The following COL14A1 variants were observed in gnomAD, a reference collection of about 807,000 sequenced individuals.
The protein encoded by COL14A1 is collagen type XIV alpha 1 chain, also known as collagen alpha-1(XIV) chain.
In COL14A1, 136 loss-of-function variants were observed where a neutral mutation model predicts 230.3. That is an observed-to-expected ratio of 0.59 (90% CI 0.51 to 0.68). COL14A1 has a LOEUF of 0.68. Among genes scored for constraint, COL14A1 ranks in the 30% least tolerant of loss-of-function variants. The pLI is 0.00. For missense variants in COL14A1, 1,976 were observed against 2,215.8 expected, an observed-to-expected ratio of 0.89 and a Z score of 2.17; for synonymous variants, 792 against 784.1, an observed-to-expected ratio of 1.01 and a Z score of -0.17.
chr8:120,282,926 C>T (rs1820080920), intron 31 of COL14A1, among the ~76,000 whole-genome samples: 1 of 152,052 alleles, frequency 6.6e-6, no homozygotes, highest in Admixed American at 6.6e-5. Context: ...CTCCACCCAC[C>T]CAGAAGAGTT....
At chr8:120,289,245 G>A (rs867241328) in intron 33 of COL14A1, among the ~76,000 whole-genome samples, 1 of 152,102 alleles carries the variant, frequency 6.6e-6, no homozygotes, top group African/African-American at 2.4e-5. Flanking sequence ...CATCAACAAA[G>A]ATTTTTAATT....
chr8:120,175,382 C>CT (rs942146081), intron 5 of COL14A1, among the ~76,000 whole-genome samples: 9 of 152,040 alleles, frequency 5.9e-5, no homozygotes, highest in African/African-American at 1.2e-4. Flanking sequence ...CAGCATAGGG[C>CT]TTTTTTTTCC....
intron 5 of COL14A1, among the ~76,000 whole-genome samples, chr8:120,193,808 G>T (rs1263236661): frequency 6.6e-6 from 1 of 152,194 alleles, no homozygotes; most frequent in East Asian, 1.9e-4. Flanking sequence ...TCAGACTGCT[G>T]TGCTAGCAAT....
intron 5 of COL14A1, among the ~76,000 whole-genome samples, chr8:120,180,844 A>C (rs561167818): frequency 2.0e-5 from 3 of 151,176 alleles, no homozygotes; most frequent in Admixed American, 6.6e-5. Context: ...AGTAGCTGGG[A>C]CTACAGGTGG....
intron 40 of COL14A1, among the ~76,000 whole-genome samples, chr8:120,330,357 A>G (rs1821821781): frequency 6.6e-6 from 1 of 152,168 alleles, no homozygotes; most frequent in Non-Finnish European, 1.5e-5. Flanking sequence ...ATAAAGACAT[A>G]CCCGAGACTG....
chr8:120,317,096 A>G (rs751578975), intron 40 of COL14A1, among the ~76,000 whole-genome samples: 8 of 152,184 alleles, frequency 5.3e-5, no homozygotes, highest in Admixed American at 3.3e-4. Flanking sequence ...GAGCAGCTCC[A>G]CAGTTTCTCT....
chr8:120,230,069 A>T (rs1406680720), intron 18 of COL14A1, among the ~76,000 whole-genome samples: 1 of 151,980 alleles, frequency 6.6e-6, no homozygotes, highest in African/African-American at 2.4e-5. Context: ...TTTAGTAGAG[A>T]TGAGGTCTTT....
Position 120,196,941 on chromosome 8 carries a change from G to T in COL14A1, c.587G>T (p.Arg196Leu). 3 of 1,613,612 alleles carry T rather than the reference G, an allele frequency of 1.9e-6. No homozygotes were observed. The highest frequency in any genetic ancestry group is 2.5e-6 in the Non-Finnish European group (3 of 1,179,812). The part of the protein sequence containing the change: ...TAFDVGSEKT[R>L]IGLAQYSGDP... ...TTCGATGTGGGCTCAGAGAAGACAC[G>T]AATTGGTATAATTTCTATTATTAGC... The change falls in exon 6 of 48, where the codon CGA becomes CTA. Residue 196 changes from arginine to leucine, a missense_variant. Around this residue, in one of 3 missense-constraint regions of COL14A1, gnomAD observed 1,791 missense variants for 2,019.5 expected, o/e 0.89. Coordinates refer to ENST00000297848, the MANE Select transcript of COL14A1 (RefSeq NM_021110.4).
rs376611725 is a variant in COL14A1, at chr8:120,270,160, A to G, written c.3199A>G (p.Thr1067Ala). 8.1e-6 allele frequency: 13 copies of G among 1,610,574 alleles called. No individual in the cohort carries two copies. The East Asian group carries it at 1.6e-4, about 19-fold the overall frequency. ...TGTTGGAGCCCTGAACAAGATTGGCACAGATGGAACCCAAGTAAGGCTAAT... is the reference window on the plus strand; with the variant it reads ...TGTTGGAGCCCTGAACAAGATTGGCGCAGATGGAACCCAAGTAAGGCTAAT... ...STVGALNKIGTDGTQVAMVQF... is the reference protein window; with the variant it reads ...STVGALNKIGADGTQVAMVQF... The change falls in exon 26 of 48, where the codon ACA (threonine) becomes GCA (alanine). Residue 1067 changes from threonine (T) to alanine (A), a missense_variant. Physicochemically the swap from Thr to Ala is moderately conservative, Grantham distance 58. This residue lies in a region of COL14A1 where 1,791 missense variants were observed against 2,019.5 expected (regional missense o/e 0.89). Coordinates refer to ENST00000297848, the MANE Select transcript of COL14A1 (RefSeq NM_021110.4).
At chr8:120,233,314 T>C (rs1010674804) in intron 19 of COL14A1, among the ~76,000 whole-genome samples, 1 of 152,210 alleles carries the variant, frequency 6.6e-6, no homozygotes, top group African/African-American at 2.4e-5. Context: ...GCCATTGCTT[T>C]TGGTGTTTTA....
At chr8:120,312,372 G>T (rs934128775) in intron 37 of COL14A1, among the ~76,000 whole-genome samples, 1 of 152,130 alleles carries the variant, frequency 6.6e-6, no homozygotes, top group East Asian at 1.9e-4. Context: ...TCTCATAAAA[G>T]TTCCTAATTA....
intron 2 of COL14A1, among the ~76,000 whole-genome samples, chr8:120,153,032 T>G (rs973792957): frequency 4.6e-5 from 7 of 151,936 alleles, no homozygotes; most frequent in Non-Finnish European, 7.4e-5. Flanking sequence ...TAATGGATCA[T>G]GAAATTACAA....
chr8:120,149,133 A>G (rs374764473), intron 2 of COL14A1, among the ~76,000 whole-genome samples: 9 of 152,244 alleles, frequency 5.9e-5, no homozygotes, highest in African/African-American at 2.2e-4. Context: ...ACAGAGACTG[A>G]AGTGTTGGTG....
chr8:120,314,969 C>T (rs1237282606), intron 38 of COL14A1, among the ~76,000 whole-genome samples: 1 of 152,196 alleles, frequency 6.6e-6, no homozygotes, highest in African/African-American at 2.4e-5. Flanking sequence ...ACAATATTGG[C>T]CTTGCCATAT....
At chr8:120,192,267 C>T (rs911460252) in intron 5 of COL14A1, among the ~76,000 whole-genome samples, 4 of 152,100 alleles carry the variant, frequency 2.6e-5, no homozygotes, top group African/African-American at 7.2e-5. Context: ...TCAGCATTTG[C>T]TTGTCTTTAA....
chr8:120,283,737 T>C lies in COL14A1; in HGVS notation c.3926T>C (p.Leu1309Ser). The change falls in exon 32 of 48, where the codon TTA (leucine) becomes TCA (serine). Residue 1309 changes from leucine (L) to serine (S), a missense_variant. Transcript: ENST00000297848. The part of the protein sequence containing the change: ...PQEPFALWEI[L>S]NKNSDPLVGV... ...GAGCCATTTGCTCTTTGGGAGATTT[T>C]AAATAAAAATTCTGACCCATTGGTT... 6.2e-7 allele frequency: 1 copy of C among 1,612,884 alleles called. No individual in the cohort carries two copies. The highest frequency in any genetic ancestry group is 8.5e-7 in the Non-Finnish European group (1 of 1,179,684).
Position 120,199,442 on chromosome 8 carries a change from A to G in COL14A1, c.753A>G (p.Pro251=), listed in dbSNP as rs547622694. 2.1e-5 allele frequency: 34 copies of G among 1,608,860 alleles called. No individual in the cohort carries two copies. The highest frequency in any genetic ancestry group is 1.7e-4 in the Middle Eastern group (1 of 6,036). ...LNYIFENSFK[P]EAGSRTGVSK... is the part of the protein sequence containing the mutation. ...ACATTTTTGAAAATAGCTTCAAACC[A>G]GAAGCAGGATCAAGGACTGGAGTAT... Residue 251 remains proline, a synonymous_variant, in exon 8 of 48, where the codon CCA becomes CCG. Transcript: ENST00000297848.
intron 19 of COL14A1, among the ~76,000 whole-genome samples, chr8:120,240,564 A>T (rs576131560): frequency 1.3e-5 from 2 of 152,334 alleles, no homozygotes; most frequent in African/African-American, 4.8e-5. Context: ...ATACTATGAA[A>T]GCAAGAAAGG....
intron 37 of COL14A1, among the ~76,000 whole-genome samples, chr8:120,311,739 A>G (rs559204279): frequency 1.3e-5 from 2 of 152,276 alleles, no homozygotes; most frequent in South Asian, 2.1e-4. Flanking sequence ...CTCATATTTT[A>G]TAGGATAAAA....
Sources: allele counts gnomAD v4.1 joint callset (sites outside exome capture counted in the v4.1 genomes callset), GRCh38; gene constraint gnomAD v4.1.1; regional missense constraint gnomAD v4.1.1; transcripts MANE v1.5; gene names NCBI Gene and HGNC (gene_info 2026-07-23, HGNC 2026-07-21).